DROSHA: variants seen among roughly 807,000 people sequenced by gnomAD.
DROSHA encodes ribonuclease 3.
A neutral mutation model predicts 181.9 loss-of-function variants in DROSHA; 56 were observed. The ratio of observed to expected loss-of-function variants is 0.31; its 90% confidence interval spans 0.25 to 0.38. The LOEUF (loss-of-function observed/expected upper bound fraction) is 0.38, where lower values mean the gene tolerates loss of function less well. DROSHA is among the 10% of genes least tolerant of loss of function. The pLI, the probability that DROSHA is intolerant of heterozygous loss-of-function variation, is 1.00. For synonymous variants in DROSHA, 524 were observed against 591.2 expected, an observed-to-expected ratio of 0.89 and a Z score of 1.65; for missense variants, 1,218 against 1,743.5, an observed-to-expected ratio of 0.70 and a Z score of 5.37.
intron 11 of DROSHA, among the ~76,000 whole-genome samples, chr5:31,499,453 G>A (rs1018563085): frequency 1.3e-5 from 2 of 152,218 alleles, no homozygotes; most frequent in African/African-American, 2.4e-5. Context: ...CTGGTGGTAA[G>A]TGGAACACAG....
chr5:31,432,557 C>T (rs1744309174), intron 25 of DROSHA, among the ~76,000 whole-genome samples: 1 of 152,126 alleles, frequency 6.6e-6, no homozygotes, highest in South Asian at 2.1e-4. Context: ...TTGTGTCCCC[C>T]TCATGAGGTT....
At chr5:31,467,704 C>T in intron 18 of DROSHA, 1 of 319,282 alleles carries the variant, frequency 3.1e-6, no homozygotes, top group East Asian at 6.6e-5. Context: ...TTATGTTGAC[C>T]AAGTTTGCCA....
intron 10 of DROSHA, 26 bp downstream of exon 10, chr5:31,508,594 TC>T: frequency 6.2e-7 from 1 of 1,613,640 alleles, no homozygotes; most frequent in Non-Finnish European, 8.5e-7. Context: ...TTTGCAACCT[TC>T]ACAGCAAGGG....
intron 20 of DROSHA, among the ~76,000 whole-genome samples, chr5:31,460,536 C>T (rs374529531): frequency 1.3e-5 from 2 of 152,170 alleles, no homozygotes; most frequent in East Asian, 3.8e-4. Context: ...CTTTCACTAG[C>T]AACCTACTAG....
intron 30 of DROSHA, among the ~76,000 whole-genome samples, chr5:31,412,452 C>T (rs1259329862): frequency 6.6e-6 from 1 of 152,166 alleles, no homozygotes; most frequent in East Asian, 1.9e-4. Context: ...AAGTTTTATG[C>T]TCTGTGGCTC....
chr5:31,529,686 G>C (rs1476129608), intron 3 of DROSHA, among the ~76,000 whole-genome samples: 3 of 146,228 alleles, frequency 2.1e-5, no homozygotes, highest in African/African-American at 5.1e-5. Context: ...AGTGAGCCGA[G>C]ATGGCGCCAC....
intron 27 of DROSHA, among the ~76,000 whole-genome samples, chr5:31,424,993 A>G (rs1743301147): frequency 6.6e-6 from 1 of 152,146 alleles, no homozygotes; most frequent in African/African-American, 2.4e-5. Flanking sequence ...TGTTCACTTG[A>G]ACTACTGGAA....
At chr5:31,527,242 C>T (rs1740702354) in intron 4 of DROSHA, among the ~76,000 whole-genome samples, 1 of 152,156 alleles carries the variant, frequency 6.6e-6, no homozygotes, top group South Asian at 2.1e-4. Flanking sequence ...GCTCAAGTTC[C>T]CCTCTGATCT....
intron 13 of DROSHA, among the ~76,000 whole-genome samples, chr5:31,490,399 C>G (rs1379170027): frequency 6.6e-6 from 1 of 151,884 alleles, no homozygotes; most frequent in African/African-American, 2.4e-5. Context: ...CCCAGGCCGT[C>G]TTGAACTCCT....
chr5:31,515,634 C>T, intron 6 of DROSHA, 70 bp from the exon 7 acceptor site: 1 of 1,540,196 alleles, frequency 6.5e-7, no homozygotes, highest in Non-Finnish European at 8.8e-7. Flanking sequence ...AATGAGAATA[C>T]CAGTTTTGAA....
intron 21 of DROSHA, 58 bp downstream of exon 21, chr5:31,451,475 G>T: frequency 2.1e-6 from 3 of 1,398,034 alleles, no homozygotes; most frequent in Non-Finnish European, 3.0e-6. Flanking sequence ...TTTGTGACCT[G>T]CAAGATGAAT....
At chr5:31,420,906 C>A (rs1742582408) in intron 30 of DROSHA, among the ~76,000 whole-genome samples, 1 of 152,184 alleles carries the variant, frequency 6.6e-6, no homozygotes, top group Non-Finnish European at 1.5e-5. Flanking sequence ...TAGTGTGTAT[C>A]TACATGTATA....
At position 31,451,585 on chromosome 5, in the gene DROSHA, A is replaced by T; in HGVS notation, c.2630T>A (p.Met877Lys). The T allele has an allele frequency of 1.2e-6, 2 of 1,613,110 alleles. No individual in the cohort carries two copies. The highest frequency in any genetic ancestry group is 1.7e-6 in the Non-Finnish European group (2 of 1,179,534). The change falls in exon 21 of 36, where the codon ATG (methionine) becomes AAG (lysine). Residue 877 changes from methionine (M) to lysine (K), a missense_variant. Transcript: ENST00000344624. The part of the protein sequence containing the change: ...THHIRYHQCL[M>K]HLDKLIGYTF... ...ATATCCTATCAACTTGTCCAAATGC[A>T]TTAGGCATTGGTGGTAGCGGATATG...
chr5:31,498,181 G>A (rs549197820), intron 11 of DROSHA, among the ~76,000 whole-genome samples: 6 of 152,194 alleles, frequency 3.9e-5, no homozygotes, highest in South Asian at 2.1e-4. Context: ...AGGCTGACAC[G>A]GACAACACTG....
chr5:31,486,604 C>T (rs1206034462), intron 13 of DROSHA, 42 bp from the exon 14 acceptor site: 2 of 1,577,926 alleles, frequency 1.3e-6, no homozygotes, highest in Admixed American at 1.7e-5. Context: ...CAACGTCTCC[C>T]TGCAGGCTCA....
chr5:31,425,308 A>G (rs1561139035), intron 27 of DROSHA, among the ~76,000 whole-genome samples: 1 of 152,218 alleles, frequency 6.6e-6, no homozygotes, highest in South Asian at 2.1e-4. Flanking sequence ...TGCACAACTG[A>G]TATCTTAATA....
chr5:31,436,387 CT>C (rs1344356408), intron 24 of DROSHA, among the ~76,000 whole-genome samples: 3 of 144,614 alleles, frequency 2.1e-5, no homozygotes, highest in South Asian at 2.2e-4. Context: ...TTTCCTGCCC[CT>C]ATTCCTTTTT....
At chr5:31,488,932 C>T (rs1752087741) in intron 13 of DROSHA, 1 of 152,204 alleles carries the variant, frequency 6.6e-6, no homozygotes, top group Non-Finnish European at 1.5e-5. Flanking sequence ...GGGTTTCTGG[C>T]GTAAGTGACC....
chr5:31,426,763 T>G (rs16901135), intron 27 of DROSHA, among the ~76,000 whole-genome samples: 10,277 of 152,176 alleles, frequency 0.068, 402 homozygotes, highest in East Asian at 0.17. Flanking sequence ...CTTGGGAGGC[T>G]GTAACCAAAG....
Sources: allele counts gnomAD v4.1 joint callset (sites outside exome capture counted in the v4.1 genomes callset), GRCh38; gene constraint gnomAD v4.1.1; transcripts MANE v1.5; gene names NCBI Gene and HGNC (gene_info 2026-07-23, HGNC 2026-07-21).